Variants in SLIT2 observed in about 807,000 individuals in gnomAD.
The protein encoded by SLIT2 is slit guidance ligand 2, also known as slit homolog 2 protein.
SLIT2 carries 41 observed loss-of-function variants against 185.7 expected under a neutral mutation model. The observed-to-expected ratio is 0.22, with a 90% CI of 0.17 to 0.29. The LOEUF (loss-of-function observed/expected upper bound fraction) is 0.29. SLIT2 is among the 10% of genes least tolerant of loss of function. SLIT2 has a pLI of 1.00. For synonymous variants in SLIT2, 693 were observed against 680.2 expected (o/e 1.02, Z -0.29); for missense variants, 1,571 against 1,909.0 (o/e 0.82, Z 3.30).
chr4:20,371,120 G>A (rs958855207), intron 4 of SLIT2, among the ~76,000 whole-genome samples: 5 of 152,000 alleles, frequency 3.3e-5, no homozygotes, highest in African/African-American at 1.2e-4. Flanking sequence ...GTGGGTTTGG[G>A]AGTGCACAAG....
At chr4:20,325,845 T>G (rs1719535797) in intron 4 of SLIT2, among the ~76,000 whole-genome samples, 1 of 152,186 alleles carries the variant, frequency 6.6e-6, no homozygotes, top group African/African-American at 2.4e-5. Context: ...TGTTTCTTTT[T>G]TTATAGTTGA....
intron 5 of SLIT2, among the ~76,000 whole-genome samples, chr4:20,473,747 T>C (rs1294618182): frequency 6.6e-6 from 1 of 152,036 alleles, no homozygotes; most frequent in Non-Finnish European, 1.5e-5. Flanking sequence ...TTCACTGTCA[T>C]CTACATAATT....
chr4:20,515,916 A>G (rs780767099), intron 11 of SLIT2, among the ~76,000 whole-genome samples: 14 of 152,134 alleles, frequency 9.2e-5, no homozygotes, highest in Non-Finnish European at 1.5e-4. Context: ...CCCAGATGCA[A>G]CTGATTCTCC....
intron 4 of SLIT2, among the ~76,000 whole-genome samples, chr4:20,335,082 G>T (rs1314621993): frequency 6.6e-6 from 1 of 152,190 alleles, no homozygotes; most frequent in African/African-American, 2.4e-5. Flanking sequence ...GCTGGAGAGA[G>T]AGCACAGTGT....
chr4:20,598,838 C>T (rs1728187827), intron 33 of SLIT2, among the ~76,000 whole-genome samples: 2 of 152,278 alleles, frequency 1.3e-5, no homozygotes, highest in East Asian at 1.9e-4. Context: ...ACTCTCTTTC[C>T]TCCCAACAAT....
At chr4:20,420,653 GGA>G (rs1488477072) in intron 4 of SLIT2, among the ~76,000 whole-genome samples, 1 of 151,906 alleles carries the variant, frequency 6.6e-6, no homozygotes, top group Non-Finnish European at 1.5e-5. Context: ...GGAAGGAAAA[GGA>G]GAGAGAAAGG....
chr4:20,610,271 C>T, intron 34 of SLIT2, 104 bp downstream of exon 34: 1 of 962,558 alleles, frequency 1.0e-6, no homozygotes, highest in South Asian at 1.9e-5. Flanking sequence ...TTGTCATTGA[C>T]CAATAGTGAT....
intron 19 of SLIT2, among the ~76,000 whole-genome samples, chr4:20,540,721 A>G (rs915990017): frequency 6.6e-6 from 1 of 151,178 alleles, no homozygotes; most frequent in Admixed American, 6.6e-5. Context: ...CAGTGAAGAA[A>G]TAATTTGAGA....
intron 25 of SLIT2, among the ~76,000 whole-genome samples, chr4:20,552,096 A>G (rs1441718010): frequency 2.0e-5 from 3 of 152,114 alleles, no homozygotes; most frequent in Non-Finnish European, 4.4e-5. Flanking sequence ...CTCCTTTACA[A>G]ACTCCATGGC....
chr4:20,525,194 G>C, intron 15 of SLIT2, 22 bp downstream of exon 15: 1 of 1,575,164 alleles, frequency 6.3e-7, no homozygotes, highest in Non-Finnish European at 8.7e-7. Flanking sequence ...TCGGTAGTAG[G>C]ACTAACTACA....
At chr4:20,283,154 AACT>A (rs1208209481) in intron 4 of SLIT2, among the ~76,000 whole-genome samples, 1 of 151,988 alleles carries the variant, frequency 6.6e-6, no homozygotes, top group Non-Finnish European at 1.5e-5. Context: ...AAAGTCATTC[AACT>A]ACTATTTTAA....
intron 18 of SLIT2, 94 bp downstream of exon 18, chr4:20,533,809 C>T (rs1722016860): frequency 1.0e-6 from 1 of 1,003,316 alleles, no homozygotes. Context: ...CTACTTTTAC[C>T]CACCCCACTC....
chr4:20,356,407 C>T (rs949431622), intron 4 of SLIT2, among the ~76,000 whole-genome samples: 9 of 152,022 alleles, frequency 5.9e-5, no homozygotes, highest in Admixed American at 2.0e-4. Context: ...AGGTTACCAG[C>T]GGTACAAGAT....
chr4:20,479,746 C>G (rs1175491530), intron 5 of SLIT2, among the ~76,000 whole-genome samples: 1 of 151,978 alleles, frequency 6.6e-6, no homozygotes, highest in East Asian at 1.9e-4. Flanking sequence ...GCAGGAAAAG[C>G]AGACATAACC....
chr4:20,361,488 G>A (rs1334539492), intron 4 of SLIT2, among the ~76,000 whole-genome samples: 6 of 152,052 alleles, frequency 3.9e-5, no homozygotes, highest in Non-Finnish European at 8.8e-5. Flanking sequence ...GTTAGCAGTA[G>A]CATTAAATCC....
chr4:20,331,103 A>G (rs958520028), intron 4 of SLIT2, among the ~76,000 whole-genome samples: 13 of 152,164 alleles, frequency 8.5e-5, no homozygotes, highest in African/African-American at 3.1e-4. Flanking sequence ...CAAATTTGCC[A>G]AAAGCATTAG....
chr4:20,497,772 TTAGCA>T (rs1560476791), intron 9 of SLIT2, among the ~76,000 whole-genome samples: 1 of 152,100 alleles, frequency 6.6e-6, no homozygotes, highest in East Asian at 1.9e-4. Context: ...GCCCCAATAC[TTAGCA>T]TACCATGGGT....
chr4:20,479,888 A>T (rs1478980890), intron 5 of SLIT2, among the ~76,000 whole-genome samples: 4 of 152,166 alleles, frequency 2.6e-5, no homozygotes, highest in Non-Finnish European at 5.9e-5. Context: ...TTTTTACCAT[A>T]GATACATGTA....
At chr4:20,583,400 A>G (rs1256130367) in intron 29 of SLIT2, among the ~76,000 whole-genome samples, 1 of 152,228 alleles carries the variant, frequency 6.6e-6, no homozygotes, top group Non-Finnish European at 1.5e-5. Context: ...TTCTAAAACT[A>G]TTTCAGTAAG....
Sources: gnomAD v4.1 joint callset for allele counts (sites outside exome capture counted in the v4.1 genomes callset) on GRCh38, gnomAD v4.1.1 for gene constraint, MANE v1.5 for transcripts, NCBI Gene and HGNC (gene_info 2026-07-23, HGNC 2026-07-21) for gene names.